The following ZMAT4 variants were observed in gnomAD, a reference collection of about 807,000 sequenced individuals.
The protein encoded by ZMAT4 is zinc finger matrin-type protein 4.
ZMAT4 carries 17 observed loss-of-function variants against 28.7 expected under a neutral mutation model. The ratio of observed to expected loss-of-function variants is 0.59; its 90% CI spans 0.41 to 0.89. The LOEUF (loss-of-function observed/expected upper bound fraction) is 0.89. ZMAT4 is among the 40% of genes least tolerant of loss of function. The pLI is 0.00. For synonymous variants in ZMAT4, 117 were observed against 109.2 expected (o/e 1.07, Z -0.44); for missense variants, 240 against 283.8 (o/e 0.85, Z 1.11).
intron 6 of ZMAT4, among the ~76,000 whole-genome samples, chr8:40,576,116 C>A (rs1254998946): frequency 6.6e-6 from 1 of 151,140 alleles, no homozygotes; most frequent in Non-Finnish European, 1.5e-5. Flanking sequence ...CTTAGGCAGA[C>A]AAAATAGAAA....
intron 3 of ZMAT4, 113 bp from the exon 4 acceptor site, chr8:40,697,514 G>GTTGT (rs1266745744): frequency 3.1e-5 from 34 of 1,104,628 alleles, no homozygotes; most frequent in Non-Finnish European, 3.7e-5. Context: ...TGTTCTGCAA[G>GTTGT]CTGTCTCTCT....
At chr8:40,625,707 T>C (rs1012485671) in intron 5 of ZMAT4, among the ~76,000 whole-genome samples, 4 of 151,938 alleles carry the variant, frequency 2.6e-5, no homozygotes, top group African/African-American at 9.7e-5. Flanking sequence ...GGCTGAGATA[T>C]TTAGTAGACA....
At chr8:40,799,078 GC>G (rs1460387022) in intron 2 of ZMAT4, among the ~76,000 whole-genome samples, 3 of 146,602 alleles carry the variant, frequency 2.0e-5, no homozygotes, top group Non-Finnish European at 4.4e-5. Context: ...TGGCTGGCTG[GC>G]TGGATGGATG....
intron 2 of ZMAT4, among the ~76,000 whole-genome samples, chr8:40,822,679 T>G (rs549126826): frequency 6.6e-6 from 1 of 152,332 alleles, no homozygotes; most frequent in South Asian, 2.1e-4. Context: ...TCCTCAGTCC[T>G]GACTGTGCCC....
At chr8:40,828,801 G>A (rs964340825) in intron 1 of ZMAT4, among the ~76,000 whole-genome samples, 6 of 152,020 alleles carry the variant, frequency 3.9e-5, no homozygotes, top group African/African-American at 1.4e-4. Flanking sequence ...GTCCATGTAG[G>A]TCACTTTAGA....
intron 5 of ZMAT4, among the ~76,000 whole-genome samples, chr8:40,649,933 G>C (rs1042551439): frequency 1.3e-5 from 2 of 151,750 alleles, no homozygotes; most frequent in Non-Finnish European, 2.9e-5. Flanking sequence ...GCAGTGTGTA[G>C]AGGGAAATTT....
intron 1 of ZMAT4, among the ~76,000 whole-genome samples, chr8:40,841,869 G>C (rs757925402): frequency 3.3e-5 from 5 of 152,180 alleles, no homozygotes; most frequent in Non-Finnish European, 5.9e-5. Context: ...AGAGTCCAGA[G>C]GGTGGTCCTA....
rs145429144 is a variant in ZMAT4, at chr8:40,671,184, G to A, written c.577+3520C>T. On this transcript the variant is annotated intron_variant, in intron 5 of 6. Transcript: ENST00000297737. ...GCTAAAATTTAAAAGACTGACATGA[G>A]CAGATGTTGGTGAGGCTATGGAATT... Among the ~76,000 whole-genome samples, 816 of 152,034 alleles carry A rather than the reference G, an allele frequency of 5.4e-3. 7 individuals are homozygous for A. The highest frequency in any genetic ancestry group is 0.019 in the African/African-American group (784 of 41,464).
chr8:40,597,341 C>G (rs941672113), intron 5 of ZMAT4, among the ~76,000 whole-genome samples: 1 of 152,132 alleles, frequency 6.6e-6, no homozygotes, highest in African/African-American at 2.4e-5. Flanking sequence ...TGACAATTGT[C>G]TAGTGGAGGT....
At chr8:40,664,842 G>A (rs1400069573) in intron 5 of ZMAT4, among the ~76,000 whole-genome samples, 3 of 152,078 alleles carry the variant, frequency 2.0e-5, no homozygotes, top group Non-Finnish European at 4.4e-5. Flanking sequence ...TCTTTCCTTT[G>A]ATTGGTCTTG....
At chr8:40,836,950 G>C (rs760409402) in intron 1 of ZMAT4, among the ~76,000 whole-genome samples, 16 of 152,194 alleles carry the variant, frequency 1.1e-4, no homozygotes, top group Non-Finnish European at 1.8e-4. Context: ...ATAGAAACTA[G>C]ATAGATGATG....
At chr8:40,889,876 T>C (rs1305734441) in intron 1 of ZMAT4, among the ~76,000 whole-genome samples, 2 of 152,216 alleles carry the variant, frequency 1.3e-5, no homozygotes, top group East Asian at 3.8e-4. Flanking sequence ...AGAAGAGGAA[T>C]TGCTGACTGG....
chr8:40,672,308 G>A (rs544622512), intron 5 of ZMAT4, among the ~76,000 whole-genome samples: 1 of 152,204 alleles, frequency 6.6e-6, no homozygotes, highest in South Asian at 2.1e-4. Flanking sequence ...TCCAGGAATA[G>A]AGGGGTGTGT....
At chr8:40,583,204 G>GACAGCC (rs1804550651) in intron 5 of ZMAT4, among the ~76,000 whole-genome samples, 1 of 152,160 alleles carries the variant, frequency 6.6e-6, no homozygotes, top group African/African-American at 2.4e-5. Context: ...TGGTAGATTG[G>GACAGCC]ACTCTGTCAT....
At chr8:40,597,048 A>C (rs60157083) in intron 5 of ZMAT4, among the ~76,000 whole-genome samples, 10,931 of 152,244 alleles carry the variant, frequency 0.072, 864 homozygotes, top group East Asian at 0.46. Context: ...TTTAGGATTT[A>C]AGATTATAAT....
intron 2 of ZMAT4, among the ~76,000 whole-genome samples, chr8:40,787,745 A>G (rs997992936): frequency 1.3e-5 from 2 of 152,214 alleles, no homozygotes; most frequent in Non-Finnish European, 2.9e-5. Flanking sequence ...GAGCACCCAC[A>G]GTGCAGAGAC....
chr8:40,830,327 C>G (rs891533278), intron 1 of ZMAT4, among the ~76,000 whole-genome samples: 18 of 152,108 alleles, frequency 1.2e-4, no homozygotes, highest in African/African-American at 4.1e-4. Context: ...CTCACCCCCT[C>G]TTCCACTCTT....
chr8:40,582,966 C>T (rs929916090), intron 5 of ZMAT4, among the ~76,000 whole-genome samples: 4 of 152,194 alleles, frequency 2.6e-5, no homozygotes, highest in East Asian at 1.9e-4. Flanking sequence ...CAGTGCAGAA[C>T]GTCCAGGGGA....
At chr8:40,885,686 C>T (rs1818427139) in intron 1 of ZMAT4, among the ~76,000 whole-genome samples, 1 of 152,126 alleles carries the variant, frequency 6.6e-6, no homozygotes. Context: ...CTCAAAAATC[C>T]CAGTGGTTCA....
Sources: allele counts gnomAD v4.1 joint callset (sites outside exome capture counted in the v4.1 genomes callset), GRCh38; gene constraint gnomAD v4.1.1; transcripts MANE v1.5; gene names NCBI Gene and HGNC (gene_info 2026-07-23, HGNC 2026-07-21).